Variants in PTPRT observed in about 807,000 individuals in gnomAD.
The protein encoded by PTPRT is receptor-type tyrosine-protein phosphatase T.
PTPRT carries 56 observed loss-of-function variants against 176.8 expected under a neutral mutation model. The ratio of observed to expected loss-of-function variants is 0.32; its 90% CI spans 0.26 to 0.40. The LOEUF (loss-of-function observed/expected upper bound fraction) is 0.40, where lower values mean the gene tolerates loss of function less well. Among genes scored for constraint, PTPRT ranks in the 10% least tolerant of loss-of-function variants. PTPRT has a pLI of 1.00. For synonymous variants in PTPRT, 783 were observed against 739.0 expected, an observed-to-expected ratio of 1.06 and a Z score of -0.96; for missense variants, 1,540 against 1,908.2, an observed-to-expected ratio of 0.81 and a Z score of 3.60.
chr20:42,878,085 T>C (rs976283244), intron 2 of PTPRT, among the ~76,000 whole-genome samples: 1 of 152,186 alleles, frequency 6.6e-6, no homozygotes. Flanking sequence ...TACAGAAATA[T>C]ATACATATGA....
intron 7 of PTPRT, among the ~76,000 whole-genome samples, chr20:42,476,470 T>A (rs2071291364): frequency 6.6e-6 from 1 of 152,200 alleles, no homozygotes; most frequent in South Asian, 2.1e-4. Context: ...GAGGTCGGCA[T>A]GCCTTGGGCC....
chr20:42,797,574 T>C (rs2077470182), intron 2 of PTPRT, among the ~76,000 whole-genome samples: 2 of 148,038 alleles, frequency 1.4e-5, no homozygotes, highest in South Asian at 2.2e-4. Context: ...GGCCACTTTG[T>C]GGTAGACAGA....
chr20:42,696,190 T>A (rs1028541797), intron 6 of PTPRT, among the ~76,000 whole-genome samples: 70 of 149,880 alleles, frequency 4.7e-4, no homozygotes, highest in Non-Finnish European at 4.4e-5. Context: ...TATCTCCCAA[T>A]CATCTCTCTC....
chr20:42,713,810 A>C (rs1313719997), intron 6 of PTPRT, among the ~76,000 whole-genome samples: 1 of 152,134 alleles, frequency 6.6e-6, no homozygotes, highest in Admixed American at 6.5e-5. Context: ...GTCATTTAAA[A>C]GTGCATAGCA....
chr20:42,615,763 C>T lies in PTPRT; in HGVS notation c.1153+62103G>A, dbSNP rs1287699947. ...TTGAGAAGTGTCTGTTCATGTCCTT[C>T]GCCCACTTTTTGATGGGGTTGTTTG... On this transcript the variant is annotated intron_variant, in intron 7 of 30. Coordinates refer to ENST00000373187, the MANE Select transcript of PTPRT (RefSeq NM_007050.6). 2.8e-4 allele frequency among the ~76,000 whole-genome samples: 33 copies of T among 116,506 alleles called. 4 individuals are homozygous for T. Among genetic ancestry groups the T allele is most frequent in the East Asian group, 2.1e-3 (10 of 4,874 alleles). The allele number at this position is 116,506 out of a possible 152,430, so 76.4% of individuals were successfully genotyped here. A position where few individuals can be genotyped will look rare whatever the true frequency, so the allele number is the denominator to read the frequency against.
chr20:42,103,775 G>A (rs1375674269), intron 25 of PTPRT, among the ~76,000 whole-genome samples: 2 of 152,214 alleles, frequency 1.3e-5, no homozygotes, highest in Non-Finnish European at 2.9e-5. Context: ...ATTCACACCT[G>A]TTTGTATAAA....
intron 9 of PTPRT, among the ~76,000 whole-genome samples, chr20:42,396,427 G>A (rs1350552272): frequency 1.3e-5 from 2 of 152,078 alleles, no homozygotes; most frequent in African/African-American, 4.8e-5. Context: ...CCTTTAGCTT[G>A]TTGTCAGCAG....
At chr20:42,196,039 T>G (rs555947425) in intron 16 of PTPRT, among the ~76,000 whole-genome samples, 5 of 152,204 alleles carry the variant, frequency 3.3e-5, no homozygotes, top group Non-Finnish European at 7.3e-5. Flanking sequence ...AGGTTTGCAT[T>G]TGAGATCAGA....
Position 42,781,286 on chromosome 20 carries a change from T to C in PTPRT, c.487-987A>G, listed in dbSNP as rs557488530. ...TCAACTTTGCCCAGCCTATAACACATTTGCCTTCTCCAATCCTGTACCTTA... is the reference window on the plus strand; with the variant it reads ...TCAACTTTGCCCAGCCTATAACACACTTGCCTTCTCCAATCCTGTACCTTA... On this transcript the variant is annotated intron_variant, in intron 3 of 30. Coordinates refer to ENST00000373187, the MANE Select transcript of PTPRT (RefSeq NM_007050.6). Among the ~76,000 whole-genome samples, 3 of 152,242 alleles carry C rather than the reference T, an allele frequency of 2.0e-5. No individual in the cohort carries two copies. The South Asian group carries it at 6.2e-4, about 32-fold the overall frequency.
chr20:42,867,659 T>C (rs1315953840), intron 2 of PTPRT, among the ~76,000 whole-genome samples: 1 of 149,582 alleles, frequency 6.7e-6, no homozygotes, highest in Non-Finnish European at 1.5e-5. Flanking sequence ...CTATGAGACA[T>C]AAATTTAAAA....
intron 7 of PTPRT, among the ~76,000 whole-genome samples, chr20:42,548,009 A>G (rs1376503598): frequency 2.0e-5 from 3 of 152,076 alleles, no homozygotes; most frequent in South Asian, 2.1e-4. Flanking sequence ...AGAATCAACA[A>G]TCAAGAACTC....
At chr20:42,398,907 A>G (rs1568845700) in intron 9 of PTPRT, among the ~76,000 whole-genome samples, 1 of 152,218 alleles carries the variant, frequency 6.6e-6, no homozygotes, top group South Asian at 2.1e-4. Context: ...CTGAGGCTGC[A>G]TGTTCCAAGA....
chr20:42,808,979 C>G (rs1221613415), intron 2 of PTPRT, among the ~76,000 whole-genome samples: 1 of 152,180 alleles, frequency 6.6e-6, no homozygotes, highest in East Asian at 1.9e-4. Flanking sequence ...TCAGTGGGAT[C>G]TCACTGGGAC....
At chr20:42,299,262 G>A (rs2057426721) in intron 12 of PTPRT, among the ~76,000 whole-genome samples, 1 of 151,922 alleles carries the variant, frequency 6.6e-6, no homozygotes, top group African/African-American at 2.4e-5. Flanking sequence ...AAATCAACAG[G>A]GATGGGCAAA....
At chr20:42,131,911 A>G (rs1232576373) in intron 18 of PTPRT, among the ~76,000 whole-genome samples, 2 of 152,188 alleles carry the variant, frequency 1.3e-5, no homozygotes, top group East Asian at 1.9e-4. Context: ...GATATCCTGA[A>G]AAAAGCAAGC....
At chr20:42,379,842 G>T (rs1027082499) in intron 9 of PTPRT, among the ~76,000 whole-genome samples, 8 of 152,196 alleles carry the variant, frequency 5.3e-5, no homozygotes, top group African/African-American at 1.9e-4. Context: ...AGATCAGCAG[G>T]ATAATCAATT....
intron 16 of PTPRT, among the ~76,000 whole-genome samples, chr20:42,161,808 C>T (rs1325079158): frequency 2.6e-5 from 4 of 152,130 alleles, no homozygotes; most frequent in South Asian, 4.1e-4. Context: ...TCATCATCCC[C>T]GTCTGTCTCA....
At chr20:42,714,141 C>T (rs2076188431) in intron 6 of PTPRT, among the ~76,000 whole-genome samples, 1 of 152,130 alleles carries the variant, frequency 6.6e-6, no homozygotes, top group African/African-American at 2.4e-5. Context: ...GCCTCAGTTT[C>T]CCCACTGGTT....
intron 7 of PTPRT, among the ~76,000 whole-genome samples, chr20:42,568,225 C>G (rs2073081270): frequency 1.3e-5 from 2 of 152,122 alleles, no homozygotes; most frequent in Non-Finnish European, 2.9e-5. Flanking sequence ...CCTCTGCCTC[C>G]CAAAGTGCTG....
Sources: allele counts gnomAD v4.1 joint callset (sites outside exome capture counted in the v4.1 genomes callset), GRCh38; gene constraint gnomAD v4.1.1; transcripts MANE v1.5; gene names NCBI Gene and HGNC (gene_info 2026-07-23, HGNC 2026-07-21).